FOXP1: variants seen among roughly 807,000 people sequenced by gnomAD.
FOXP1 encodes the protein forkhead box P1.
Under a neutral mutation model 98.2 loss-of-function variants are expected in FOXP1, and 15 were observed. The ratio of observed to expected loss-of-function variants is 0.15; its 90% CI spans 0.10 to 0.24. The LOEUF is 0.24. Ranked by LOEUF, FOXP1 falls within the 10% of genes least tolerant of loss-of-function variation. The pLI, the probability that FOXP1 is intolerant of heterozygous loss-of-function variation, is 1.00. For missense variants in FOXP1, 633 were observed against 848.5 expected, an observed-to-expected ratio of 0.75 and a Z score of 3.15; for synonymous variants, 371 against 314.5, an observed-to-expected ratio of 1.18 and a Z score of -1.90.
intron 10 of FOXP1, among the ~76,000 whole-genome samples, chr3:71,046,371 T>C (rs1056333863): frequency 1.3e-5 from 2 of 151,978 alleles, no homozygotes; most frequent in Admixed American, 1.3e-4. Context: ...TTCTGATGAG[T>C]GTAGAACTAA....
At chr3:71,191,045 T>C (rs2062947703) in intron 6 of FOXP1, among the ~76,000 whole-genome samples, 1 of 152,258 alleles carries the variant, frequency 6.6e-6, no homozygotes, top group Non-Finnish European at 1.5e-5. Flanking sequence ...AGCAGTCACC[T>C]TGTAACCCTT....
At chr3:71,064,102 C>A (rs2051982157) in intron 7 of FOXP1, among the ~76,000 whole-genome samples, 1 of 152,186 alleles carries the variant, frequency 6.6e-6, no homozygotes, top group Non-Finnish European at 1.5e-5. Context: ...AATTAACCAG[C>A]CAAGTAATGC....
rs375744931 is a variant in FOXP1, at chr3:70,978,868, G to T, written c.1147-839C>A. On this transcript the variant is annotated intron_variant, in intron 14 of 20. Transcript: ENST00000649528. The stretch of plus-strand genomic sequence containing the variant: ...TTCTTTTACAGAATACGGGAGATCT[G>T]CAACTGAGGTTTTTGATTTTTTTCC... Among the ~76,000 whole-genome samples, 32 of 152,228 alleles carry T rather than the reference G, an allele frequency of 2.1e-4. No individual in the cohort carries two copies. The South Asian group carries it at 5.8e-3, about 28-fold the overall frequency.
intron 7 of FOXP1, among the ~76,000 whole-genome samples, chr3:71,061,797 T>C (rs1320203339): frequency 2.0e-5 from 3 of 152,170 alleles, no homozygotes; most frequent in Non-Finnish European, 4.4e-5. Flanking sequence ...CTAAACCACA[T>C]AATAAAATAA....
At chr3:71,412,250 T>G (rs973759042) in intron 3 of FOXP1, among the ~76,000 whole-genome samples, 1 of 152,160 alleles carries the variant, frequency 6.6e-6, no homozygotes, top group Non-Finnish European at 1.5e-5. Context: ...TAATGTGTCT[T>G]GGTCTCAGAT....
chr3:70,994,054 T>C (rs2041021819), intron 13 of FOXP1, among the ~76,000 whole-genome samples: 1 of 150,914 alleles, frequency 6.6e-6, no homozygotes, highest in Admixed American at 6.6e-5. Context: ...AAAGTGACTC[T>C]TAGAATCAAG....
chr3:71,079,651 G>A (rs760073468), intron 7 of FOXP1, among the ~76,000 whole-genome samples: 2 of 152,090 alleles, frequency 1.3e-5, no homozygotes, highest in East Asian at 1.9e-4. Context: ...ACCTGTTCAC[G>A]TCAGGGCTTA....
At chr3:71,239,188 A>C (rs1017941472) in intron 5 of FOXP1, among the ~76,000 whole-genome samples, 1 of 152,120 alleles carries the variant, frequency 6.6e-6, no homozygotes, top group Non-Finnish European at 1.5e-5. Flanking sequence ...AAAAATTAAA[A>C]ATTTCCACAC....
rs2050558491 is a variant in FOXP1 at position 71,055,843 on chromosome 3, T to C, written c.283-2070A>G. Reference sequence around the variant, plus strand: ...AGGTTTCTTTTTTCCTCTGCGTTTCTTGGATGATGTACAATATAAATATTC... The same window carrying C: ...AGGTTTCTTTTTTCCTCTGCGTTTCCTGGATGATGTACAATATAAATATTC... On this transcript the variant is annotated intron_variant, in intron 7 of 20. Transcript: ENST00000649528. 2.0e-5 allele frequency among the ~76,000 whole-genome samples: 3 copies of C among 152,338 alleles called. No individual in the cohort carries two copies. In the South Asian group the frequency reaches 6.2e-4, roughly 32 times the overall value.
chr3:71,421,374 GA>G (rs1255768367), intron 3 of FOXP1, among the ~76,000 whole-genome samples: 1 of 152,028 alleles, frequency 6.6e-6, no homozygotes. Flanking sequence ...CGTAATTTCA[GA>G]AAAAAAGAAT....
chr3:71,474,487 G>T (rs1201560207), intron 3 of FOXP1, among the ~76,000 whole-genome samples: 1 of 152,184 alleles, frequency 6.6e-6, no homozygotes, highest in Non-Finnish European at 1.5e-5. Flanking sequence ...AGGCTGCACA[G>T]CAGGAGGTCA....
chr3:71,070,450 C>T (rs1200028506), intron 7 of FOXP1, among the ~76,000 whole-genome samples: 2 of 152,114 alleles, frequency 1.3e-5, no homozygotes, highest in Admixed American at 6.5e-5. Flanking sequence ...TAAGGTTTCA[C>T]GATACAGTAT....
At chr3:71,259,750 T>G (rs754377958) in intron 5 of FOXP1, among the ~76,000 whole-genome samples, 13 of 152,224 alleles carry the variant, frequency 8.5e-5, no homozygotes, top group Non-Finnish European at 1.6e-4. Flanking sequence ...GAGGTGCCTA[T>G]CACTTAGAAC....
intron 5 of FOXP1, among the ~76,000 whole-genome samples, chr3:71,295,213 C>T (rs1160505268): frequency 1.3e-5 from 2 of 152,192 alleles, no homozygotes; most frequent in African/African-American, 4.8e-5. Flanking sequence ...GTCTTCATAA[C>T]AACTTCCTTA....
chr3:71,182,907 C>T (rs1453514174), intron 6 of FOXP1, among the ~76,000 whole-genome samples: 1 of 151,038 alleles, frequency 6.6e-6, no homozygotes, highest in African/African-American at 2.4e-5. Context: ...CCATTGACAG[C>T]ATGTTGCTTT....
intron 2 of FOXP1, among the ~76,000 whole-genome samples, chr3:71,541,195 T>C (rs1290019780): frequency 5.3e-5 from 8 of 152,224 alleles, no homozygotes; most frequent in Non-Finnish European, 8.8e-5. Flanking sequence ...TCAACTTTCA[T>C]CGCACACCTA....
intron 6 of FOXP1, among the ~76,000 whole-genome samples, chr3:71,123,347 C>T (rs1196333690): frequency 2.6e-5 from 4 of 152,172 alleles, no homozygotes; most frequent in Non-Finnish European, 4.4e-5. Flanking sequence ...TCTGCTCTCT[C>T]GCACGCTGTG....
intron 4 of FOXP1, among the ~76,000 whole-genome samples, chr3:71,317,734 C>A (rs2075161613): frequency 6.6e-6 from 1 of 151,988 alleles, no homozygotes; most frequent in Admixed American, 6.6e-5. Flanking sequence ...CCTGTCCCCC[C>A]CACACAATTG....
At chr3:71,006,958 T>C (rs745604457) in intron 12 of FOXP1, among the ~76,000 whole-genome samples, 2 of 152,184 alleles carry the variant, frequency 1.3e-5, no homozygotes, top group Non-Finnish European at 2.9e-5. Context: ...GGGCCTGTTA[T>C]CTTTGGCAAA....
Sources: allele counts gnomAD v4.1 joint callset (sites outside exome capture counted in the v4.1 genomes callset), GRCh38; gene constraint gnomAD v4.1.1; transcripts MANE v1.5; gene names NCBI Gene and HGNC (gene_info 2026-07-23, HGNC 2026-07-21).